OPRD1: variants seen among roughly 807,000 people sequenced by gnomAD.
OPRD1 encodes opioid receptor delta 1.
OPRD1 carries 19 observed loss-of-function variants against 17.5 expected under a neutral mutation model. The ratio of observed to expected loss-of-function variants is 1.09; its 90% CI spans 0.76 to 1.60. The LOEUF is 1.60. Ranked by LOEUF, OPRD1 falls within the 40% of genes most tolerant of loss-of-function variation. The pLI, the probability that OPRD1 is intolerant of heterozygous loss-of-function variation, is 0.00. For synonymous variants in OPRD1, 256 were observed against 240.9 expected, an observed-to-expected ratio of 1.06 and a Z score of -0.58; for missense variants, 483 against 547.2, an observed-to-expected ratio of 0.88 and a Z score of 1.17.
Position 28,863,589 on chromosome 1 carries a change from A to G in OPRD1, c.*306A>G, listed in dbSNP as rs1035690657. On this transcript the variant is annotated 3_prime_UTR_variant, in exon 3 of 3. Coordinates refer to ENST00000234961, the MANE Select transcript of OPRD1 (RefSeq NM_000911.4). The stretch of plus-strand genomic sequence containing the variant: ...GGAGAGGAGCGGGACCTGTGGCTCT[A>G]CAACTGAGTCCTTAAACAGGGCATC... The G allele has an allele frequency of 1.1e-5, 4 of 350,842 alleles. No homozygotes were observed. The highest frequency in any genetic ancestry group is 6.4e-5 in the African/African-American group (3 of 46,988). The allele number at this position is 350,842 out of a possible 1,614,324, so 21.7% of individuals were successfully genotyped here. A position where few individuals can be genotyped will look rare whatever the true frequency, so the allele number is the denominator to read the frequency against.
At chr1:28,844,491 A>G (rs1050187435) in intron 1 of OPRD1, among the ~76,000 whole-genome samples, 1 of 152,004 alleles carries the variant, frequency 6.6e-6, no homozygotes, top group Admixed American at 6.6e-5. Context: ...GGGTTTTGCC[A>G]TGTTGGCCAG....
chr1:28,843,494 G>C (rs908574785), intron 1 of OPRD1, among the ~76,000 whole-genome samples: 1 of 152,092 alleles, frequency 6.6e-6, no homozygotes, highest in Non-Finnish European at 1.5e-5. Context: ...CTATGACTGT[G>C]ACTACTCTAG....
At chr1:28,824,288 T>C (rs974484621) in intron 1 of OPRD1, among the ~76,000 whole-genome samples, 1 of 150,132 alleles carries the variant, frequency 6.7e-6, no homozygotes, top group African/African-American at 2.4e-5. Context: ...CTGTGACTCA[T>C]GGATGATGGT....
intron 1 of OPRD1, among the ~76,000 whole-genome samples, chr1:28,845,354 T>C (rs2088930564): frequency 6.6e-6 from 1 of 151,306 alleles, no homozygotes; most frequent in African/African-American, 2.4e-5. Flanking sequence ...CCGGGCATGC[T>C]GGTGGGAGCC....
At position 28,866,416 on chromosome 1, in the gene OPRD1, G is replaced by A. The variant is rs2147754028; in HGVS notation, c.*3133G>A. 1 of 152,384 alleles carries A rather than the reference G, an allele frequency of 6.6e-6. No individual in the cohort carries two copies. The highest frequency in any genetic ancestry group is 2.1e-4 in the South Asian group (1 of 4,832). The allele number at this position is 152,384 out of a possible 1,614,324, so 9.4% of individuals were successfully genotyped here. A position where few individuals can be genotyped will look rare whatever the true frequency, so the allele number is the denominator to read the frequency against. On this transcript the variant is annotated 3_prime_UTR_variant, in exon 3 of 3. Coordinates refer to ENST00000234961, the MANE Select transcript of OPRD1 (RefSeq NM_000911.4). ...GCTTGGCAAACCCAACAAGTTGGGT[G>A]CAGCTGGAGCATGGGGCTTAACTAA... is the stretch of plus-strand genomic sequence containing the variant.
At chr1:28,836,618 C>T (rs941368825) in intron 1 of OPRD1, among the ~76,000 whole-genome samples, 1 of 152,152 alleles carries the variant, frequency 6.6e-6, no homozygotes, top group African/African-American at 2.4e-5. Context: ...AGAACGCCTG[C>T]TGGCCCGGCT....
intron 1 of OPRD1, among the ~76,000 whole-genome samples, chr1:28,817,355 C>T (rs2088678898): frequency 6.6e-6 from 1 of 152,142 alleles, no homozygotes; most frequent in African/African-American, 2.4e-5. Context: ...GACTGCAGCA[C>T]CCAGCAGGGA....
intron 1 of OPRD1, among the ~76,000 whole-genome samples, chr1:28,817,903 G>A (rs928164913): frequency 1.0e-5 from 1 of 96,820 alleles, no homozygotes; most frequent in South Asian, 4.3e-4. Context: ...TGGGCGGGGC[G>A]GGGGGGGGGT....
Position 28,862,743 on chromosome 1 carries a change from C to T in OPRD1, c.579C>T (p.Asp193=), listed in dbSNP as rs1177560846. The change falls in exon 3 of 3, where the codon GAC becomes GAT. Residue 193 remains aspartate, a splice_region_variant and synonymous_variant. Coordinates refer to ENST00000234961, the MANE Select transcript of OPRD1 (RefSeq NM_000911.4). ...IMVMAVTRPR[D]GAVVCMLQFP... The stretch of plus-strand genomic sequence containing the variant: ...TCTTTCCTTGTTTCCGCGGCCCAGA[C>T]GGGGCAGTGGTGTGCATGCTCCAGT... 3.8e-6 allele frequency: 6 copies of T among 1,594,298 alleles called. No individual in the cohort carries two copies. Among genetic ancestry groups the T allele is most frequent in the Non-Finnish European group, 4.3e-6 (5 of 1,169,102 alleles).
At position 28,863,484 on chromosome 1, in the gene OPRD1, G is replaced by A; in HGVS notation, c.*201G>A. ...GGCCTCTGGTTTGGGGCGAGGCAGAGGACAGATCAATGGCGCAGTGCCTCT... is the reference window on the plus strand; with the variant it reads ...GGCCTCTGGTTTGGGGCGAGGCAGAAGACAGATCAATGGCGCAGTGCCTCT... On this transcript the variant is annotated 3_prime_UTR_variant, in exon 3 of 3. Coordinates refer to ENST00000234961, the MANE Select transcript of OPRD1 (RefSeq NM_000911.4). The A allele has an allele frequency of 1.8e-6, 1 of 570,892 alleles. No homozygotes were observed. The highest frequency in any genetic ancestry group is 3.4e-5 in the East Asian group (1 of 29,578). The allele number at this position is 570,892 out of a possible 1,614,324, so 35.4% of individuals were successfully genotyped here.
chr1:28,814,370 C>G (rs957917303), intron 1 of OPRD1, among the ~76,000 whole-genome samples: 1 of 152,182 alleles, frequency 6.6e-6, no homozygotes, highest in African/African-American at 2.4e-5. Context: ...TGGCCTGGCG[C>G]CTGGACCCAG....
chr1:28,832,485 C>G (rs2088816398), intron 1 of OPRD1, among the ~76,000 whole-genome samples: 1 of 152,028 alleles, frequency 6.6e-6, no homozygotes, highest in South Asian at 2.1e-4. Flanking sequence ...GGAATGGTGG[C>G]ACACACCTGT....
rs1299321407 is a variant in OPRD1 at position 28,828,489 on chromosome 1, T to C, written c.227+15879T>C. On this transcript the variant is annotated intron_variant, in intron 1 of 2. Coordinates refer to ENST00000234961, the MANE Select transcript of OPRD1 (RefSeq NM_000911.4). Reference sequence around the variant, plus strand: ...GGATTTTTGGAATGGTAAATGAGCATCGGCTTCAATTTAAAGTCACCAGCT... The same window carrying C: ...GGATTTTTGGAATGGTAAATGAGCACCGGCTTCAATTTAAAGTCACCAGCT... Among the ~76,000 whole-genome samples, 5 of 152,066 alleles carry C rather than the reference T, an allele frequency of 3.3e-5. No homozygotes were observed. The South Asian group carries it at 6.2e-4, about 19-fold the overall frequency.
intron 1 of OPRD1, among the ~76,000 whole-genome samples, chr1:28,827,141 C>G (rs911167645): frequency 1.5e-4 from 21 of 137,544 alleles, no homozygotes; most frequent in African/African-American, 4.7e-4. Context: ...CAAAAAAATA[C>G]AAAAATTAGC....
intron 1 of OPRD1, among the ~76,000 whole-genome samples, chr1:28,819,451 G>A (rs1418326786): frequency 6.6e-6 from 1 of 152,138 alleles, no homozygotes; most frequent in African/African-American, 2.4e-5. Flanking sequence ...TGGGGAGTGT[G>A]TGTGACTTAC....
rs61134412 is a variant in OPRD1, at chr1:28,867,209, G to GT, written c.*3937dup. On this transcript the variant is annotated 3_prime_UTR_variant, in exon 3 of 3. Coordinates refer to ENST00000234961, the MANE Select transcript of OPRD1 (RefSeq NM_000911.4). ...ATTTTTATTCATTTATTTTGTTTGG[G>GT]TTTTTTTTTTTCTGAGACAGGGTCT... 1.6e-3 allele frequency: 227 copies of GT among 145,654 alleles called. 1 individual carries two copies. Among genetic ancestry groups the GT allele is most frequent in the Middle Eastern group, 3.6e-3 (1 of 280 alleles). The allele number at this position is 145,654 out of a possible 1,614,324, so 9.0% of individuals were successfully genotyped here. A position where few individuals can be genotyped will look rare whatever the true frequency, so the allele number is the denominator to read the frequency against.
intron 1 of OPRD1, among the ~76,000 whole-genome samples, chr1:28,837,129 C>G (rs958929452): frequency 1.3e-5 from 2 of 152,124 alleles, no homozygotes; most frequent in African/African-American, 4.8e-5. Context: ...AGTGACAGAT[C>G]ATCAGGCACT....
intron 1 of OPRD1, among the ~76,000 whole-genome samples, chr1:28,852,725 T>G (rs1300985527): frequency 1.3e-5 from 2 of 152,110 alleles, no homozygotes; most frequent in African/African-American, 4.8e-5. Flanking sequence ...ATTTTTTATT[T>G]TTTATTTTTG....
At chr1:28,840,123 T>C (rs1049802562) in intron 1 of OPRD1, among the ~76,000 whole-genome samples, 8 of 152,178 alleles carry the variant, frequency 5.3e-5, no homozygotes, top group East Asian at 3.8e-4. Flanking sequence ...TGTCTCAGTC[T>C]AGTGTGGAAG....
Sources: gnomAD v4.1 joint callset for allele counts (sites outside exome capture counted in the v4.1 genomes callset) on GRCh38, gnomAD v4.1.1 for gene constraint, MANE v1.5 for transcripts, NCBI Gene and HGNC (gene_info 2026-07-23, HGNC 2026-07-21) for gene names.